FHIT: variants seen among roughly 807,000 people sequenced by gnomAD.
FHIT encodes bis(5'-adenosyl)-triphosphatase.
In FHIT, 19 loss-of-function variants were observed where a neutral mutation model predicts 17.9. That is an observed-to-expected ratio of 1.06 (90% CI 0.74 to 1.56). The LOEUF (loss-of-function observed/expected upper bound fraction) is 1.56, where lower values mean the gene tolerates loss of function less well. FHIT is among the 40% of genes most tolerant of loss of function. The pLI is 0.00. For synonymous variants in FHIT, 81 were observed against 69.7 expected (o/e 1.16, Z -0.81); for missense variants, 248 against 189.2 (o/e 1.31, Z -1.82).
intron 3 of FHIT, among the ~76,000 whole-genome samples, chr3:60,930,912 C>T (rs1472037927): frequency 5.3e-5 from 8 of 152,176 alleles, no homozygotes; most frequent in African/African-American, 1.9e-4. Flanking sequence ...GACACATGCA[C>T]ACGTGTGTTT....
chr3:60,077,029 G>A (rs1053260239), intron 5 of FHIT, among the ~76,000 whole-genome samples: 1 of 151,414 alleles, frequency 6.6e-6, no homozygotes, highest in Non-Finnish European at 1.5e-5. Context: ...AGAAATAACT[G>A]ATTAAATAAG....
At chr3:60,560,470 T>C (rs1334916305) in intron 4 of FHIT, among the ~76,000 whole-genome samples, 1 of 152,060 alleles carries the variant, frequency 6.6e-6, no homozygotes, top group Non-Finnish European at 1.5e-5. Context: ...CAGTTCCCAG[T>C]AGTGCCTGGA....
At chr3:59,947,057 A>C (rs553688243) in intron 7 of FHIT, among the ~76,000 whole-genome samples, 1 of 152,264 alleles carries the variant, frequency 6.6e-6, no homozygotes, top group African/African-American at 2.4e-5. Context: ...TCCTCCTCCT[A>C]CATTTTTCAG....
chr3:60,516,180 G>C (rs952703401), intron 5 of FHIT, among the ~76,000 whole-genome samples: 7 of 152,020 alleles, frequency 4.6e-5, no homozygotes, highest in African/African-American at 1.2e-4. Flanking sequence ...GACTATATTT[G>C]CTGATATTTA....
chr3:60,850,800 T>C (rs999351588), intron 3 of FHIT, among the ~76,000 whole-genome samples: 6 of 152,136 alleles, frequency 3.9e-5, no homozygotes, highest in Admixed American at 2.6e-4. Flanking sequence ...ATAAATTTCT[T>C]TTCTCTAAGC....
chr3:60,742,187 T>C (rs1471817030), intron 4 of FHIT, among the ~76,000 whole-genome samples: 12 of 152,210 alleles, frequency 7.9e-5, no homozygotes, highest in African/African-American at 2.7e-4. Context: ...AATTCTTAAA[T>C]GATGCCTCAG....
intron 5 of FHIT, among the ~76,000 whole-genome samples, chr3:60,043,481 G>C (rs1643866369): frequency 6.6e-6 from 1 of 152,132 alleles, no homozygotes; most frequent in South Asian, 2.1e-4. Context: ...TACAGATGGA[G>C]AGATTACATG....
intron 8 of FHIT, among the ~76,000 whole-genome samples, chr3:59,900,199 C>T (rs371145422): frequency 2.0e-5 from 3 of 152,162 alleles, no homozygotes; most frequent in East Asian, 3.9e-4. Context: ...GCAAGAATGA[C>T]TTAAGCAACA....
At chr3:60,983,590 G>A (rs1476678254) in intron 3 of FHIT, among the ~76,000 whole-genome samples, 1 of 152,128 alleles carries the variant, frequency 6.6e-6, no homozygotes, top group East Asian at 1.9e-4. Context: ...AACAGCCTTT[G>A]GCCCTTGGCA....
intron 4 of FHIT, among the ~76,000 whole-genome samples, chr3:60,645,211 G>A (rs1215902185): frequency 6.6e-6 from 1 of 152,078 alleles, no homozygotes; most frequent in Non-Finnish European, 1.5e-5. Flanking sequence ...GTCCAGAACT[G>A]ATCCCCAGGA....
intron 7 of FHIT, among the ~76,000 whole-genome samples, chr3:59,988,045 T>C (rs1258407080): frequency 1.3e-5 from 2 of 152,096 alleles, no homozygotes; most frequent in African/African-American, 4.8e-5. Flanking sequence ...TGGGTAATTA[T>C]TTCACACATT....
chr3:60,129,042 C>CCTTTTTTTTTTTTTT (rs1553692314), intron 5 of FHIT, among the ~76,000 whole-genome samples: 1 of 113,012 alleles, frequency 8.8e-6, no homozygotes, highest in African/African-American at 3.4e-5. Context: ...TTCTTCTTTC[C>CCTTTTTTTTTTTTTT]TTTTTTGTTT....
intron 4 of FHIT, among the ~76,000 whole-genome samples, chr3:60,764,762 A>G (rs1392151266): frequency 4.6e-5 from 7 of 150,758 alleles, no homozygotes; most frequent in Non-Finnish European, 7.4e-5. Context: ...ACATATAATT[A>G]CATATAATTA....
At chr3:60,100,554 T>C (rs1396684562) in intron 5 of FHIT, among the ~76,000 whole-genome samples, 1 of 152,232 alleles carries the variant, frequency 6.6e-6, no homozygotes, top group African/African-American at 2.4e-5. Context: ...AGAGGAGCCT[T>C]CGTCCCTCAC....
intron 5 of FHIT, among the ~76,000 whole-genome samples, chr3:60,517,734 C>G (rs1194438199): frequency 6.6e-6 from 1 of 152,090 alleles, no homozygotes; most frequent in Non-Finnish European, 1.5e-5. Flanking sequence ...ATAGTTGTGC[C>G]ACAATCCCCA....
intron 8 of FHIT, among the ~76,000 whole-genome samples, chr3:59,907,196 T>G (rs145164199): frequency 1.3e-5 from 2 of 152,306 alleles, no homozygotes; most frequent in African/African-American, 4.8e-5. Context: ...GGTGGTCACT[T>G]CCTTCCCCAC....
At chr3:59,758,709 C>A (rs1701345642) in intron 8 of FHIT, among the ~76,000 whole-genome samples, 1 of 152,088 alleles carries the variant, frequency 6.6e-6, no homozygotes, top group African/African-American at 2.4e-5. Context: ...TATGACAAAT[C>A]ATGTCAAGTC....
chr3:60,463,768 T>C (rs2032621123), intron 5 of FHIT, among the ~76,000 whole-genome samples: 2 of 152,226 alleles, frequency 1.3e-5, no homozygotes, highest in South Asian at 4.1e-4. Context: ...TTTACTTAAC[T>C]TCTCTGGGCA....
At chr3:60,488,440 A>T (rs981331001) in intron 5 of FHIT, among the ~76,000 whole-genome samples, 3 of 152,170 alleles carry the variant, frequency 2.0e-5, no homozygotes, top group Admixed American at 2.0e-4. Flanking sequence ...CTCAACCAAC[A>T]GTCACTGTAG....
Sources: gnomAD v4.1 joint callset for allele counts (sites outside exome capture counted in the v4.1 genomes callset) on GRCh38, gnomAD v4.1.1 for gene constraint, MANE v1.5 for transcripts, NCBI Gene and HGNC (gene_info 2026-07-23, HGNC 2026-07-21) for gene names.